The following ARL15 variants were observed in gnomAD, a reference collection of about 807,000 sequenced individuals.
The protein encoded by ARL15 is ARF like GTPase 15.
ARL15 carries 19 observed loss-of-function variants against 25.2 expected under a neutral mutation model. That is an observed-to-expected ratio of 0.75 (90% CI 0.53 to 1.10). ARL15 has a LOEUF of 1.10. Ranked by LOEUF, ARL15 falls within the 50% of genes least tolerant of loss-of-function variation. The pLI is 0.00. For missense variants in ARL15, 220 were observed against 246.0 expected, an observed-to-expected ratio of 0.89 and a Z score of 0.71; for synonymous variants, 94 against 86.8, an observed-to-expected ratio of 1.08 and a Z score of -0.46.
At chr5:54,214,670 C>T (rs1443040780) in intron 1 of ARL15, among the ~76,000 whole-genome samples, 3 of 152,168 alleles carry the variant, frequency 2.0e-5, no homozygotes, top group South Asian at 2.1e-4. Flanking sequence ...ATGTTTAACA[C>T]GAAACGTCCT....
intron 4 of ARL15, among the ~76,000 whole-genome samples, chr5:54,023,216 A>G (rs568369047): frequency 1.3e-5 from 2 of 152,180 alleles, no homozygotes; most frequent in Admixed American, 6.5e-5. Context: ...TTGAATTAGT[A>G]AAATGTTGAC....
Position 54,125,725 on chromosome 5 carries a change from T to A in ARL15, c.254-12315A>T, listed in dbSNP as rs565675405. Among the ~76,000 whole-genome samples the A allele has an allele frequency of 2.6e-5, 4 of 152,338 alleles. No individual in the cohort carries two copies. In the East Asian group the frequency reaches 7.7e-4, roughly 29 times the overall value. ...GCTGGGTCAAATGTTAATTCTATGT[T>A]TAACTTACTGATAAAACGTGTGCTG... On this transcript the variant is annotated intron_variant, in intron 3 of 4. Coordinates refer to ENST00000504924, the MANE Select transcript of ARL15 (RefSeq NM_019087.3).
intron 4 of ARL15, 22 bp from the exon 5 acceptor site, chr5:53,886,735 T>A (rs1379977657): frequency 1.6e-5 from 24 of 1,522,976 alleles, no homozygotes; most frequent in Non-Finnish European, 1.8e-5. Flanking sequence ...AAAATAAAGA[T>A]AAATAGGTTA....
At chr5:53,996,618 T>TTAA (rs1324541454) in intron 4 of ARL15, among the ~76,000 whole-genome samples, 1 of 98,888 alleles carries the variant, frequency 1.0e-5, no homozygotes, top group African/African-American at 3.7e-5. Context: ...GACTGTCTCA[T>TTAA]AAAAAAAAAA....
chr5:53,908,084 C>T (rs934057024), intron 4 of ARL15, among the ~76,000 whole-genome samples: 14 of 152,124 alleles, frequency 9.2e-5, no homozygotes, highest in African/African-American at 3.4e-4. Flanking sequence ...GTTTCATTTT[C>T]CTTGCTACCA....
intron 4 of ARL15, among the ~76,000 whole-genome samples, chr5:53,996,618 T>TTA (rs1324541454): frequency 1.0e-5 from 1 of 98,888 alleles, no homozygotes; most frequent in African/African-American, 3.7e-5. Flanking sequence ...GACTGTCTCA[T>TTA]AAAAAAAAAA....
intron 4 of ARL15, among the ~76,000 whole-genome samples, chr5:54,060,154 C>T (rs756361571): frequency 3.2e-5 from 4 of 125,494 alleles, no homozygotes; most frequent in Admixed American, 2.9e-4. Context: ...AAAAAAAAAC[C>T]CCGGGTGCGG....
intron 1 of ARL15, among the ~76,000 whole-genome samples, chr5:54,240,989 C>T (rs1756943636): frequency 1.3e-5 from 2 of 152,260 alleles, no homozygotes; most frequent in Admixed American, 1.3e-4. Context: ...AGATATGGTA[C>T]TAAATGAGTT....
intron 4 of ARL15, among the ~76,000 whole-genome samples, chr5:53,982,410 C>T (rs956931544): frequency 4.7e-5 from 7 of 149,430 alleles, no homozygotes; most frequent in African/African-American, 1.7e-4. Flanking sequence ...TGTTCAACTC[C>T]CACCTATGAG....
At chr5:53,952,215 T>G (rs989180498) in intron 4 of ARL15, among the ~76,000 whole-genome samples, 8 of 151,984 alleles carry the variant, frequency 5.3e-5, no homozygotes, top group African/African-American at 1.9e-4. Flanking sequence ...TGAGTTGAGA[T>G]CACGCCACTG....
chr5:53,979,898 T>G (rs1325412969), intron 4 of ARL15, among the ~76,000 whole-genome samples: 1 of 151,472 alleles, frequency 6.6e-6, no homozygotes, highest in East Asian at 2.0e-4. Flanking sequence ...AGAGATGGGG[T>G]TTCACCATGT....
chr5:54,036,741 A>C (rs1245122132), intron 4 of ARL15, among the ~76,000 whole-genome samples: 2 of 152,166 alleles, frequency 1.3e-5, no homozygotes, highest in Admixed American at 6.5e-5. Context: ...TTTATGACTA[A>C]TTTTTTAAAG....
chr5:54,218,018 T>C (rs969500264), intron 1 of ARL15, among the ~76,000 whole-genome samples: 6 of 152,206 alleles, frequency 3.9e-5, no homozygotes, highest in Admixed American at 6.5e-5. Flanking sequence ...TGTTAGGCAG[T>C]ATTTGCAGGG....
intron 4 of ARL15, among the ~76,000 whole-genome samples, chr5:53,923,177 G>A (rs1348301008): frequency 6.6e-6 from 1 of 152,146 alleles, no homozygotes; most frequent in Non-Finnish European, 1.5e-5. Context: ...GGTCTTCAAT[G>A]GCTGCCATTG....
chr5:53,930,598 C>T (rs1359528828), intron 4 of ARL15, among the ~76,000 whole-genome samples: 4 of 151,996 alleles, frequency 2.6e-5, no homozygotes, highest in Non-Finnish European at 5.9e-5. Flanking sequence ...AAAGCGAAGT[C>T]ATTACAGAAC....
intron 4 of ARL15, among the ~76,000 whole-genome samples, chr5:54,054,663 G>C (rs1485618664): frequency 6.6e-6 from 1 of 152,106 alleles, no homozygotes; most frequent in African/African-American, 2.4e-5. Flanking sequence ...GGCAGCGTGC[G>C]CCTGTAGTCC....
intron 3 of ARL15, chr5:54,154,243 C>G: frequency 5.4e-6 from 1 of 186,068 alleles, no homozygotes; most frequent in Non-Finnish European, 1.1e-5. Flanking sequence ...AAATCTTTTC[C>G]CCGAATAGTT....
chr5:54,047,311 GCTAGACTGATA>G (rs1750551661), intron 4 of ARL15, among the ~76,000 whole-genome samples: 1 of 152,160 alleles, frequency 6.6e-6, no homozygotes. Flanking sequence ...CATCAACAGA[GCTAGACTGATA>G]CTAGCATACC....
chr5:54,243,250 C>T, intron 1 of ARL15, among the ~76,000 whole-genome samples: 1 of 152,156 alleles, frequency 6.6e-6, no homozygotes, highest in East Asian at 1.9e-4. Flanking sequence ...AGAAAATATG[C>T]ACCAAAGAAT....
Sources: gnomAD v4.1 joint callset for allele counts (sites outside exome capture counted in the v4.1 genomes callset) on GRCh38, gnomAD v4.1.1 for gene constraint, MANE v1.5 for transcripts, NCBI Gene and HGNC (gene_info 2026-07-23, HGNC 2026-07-21) for gene names.